Variants in MSRB3 observed in about 807,000 individuals in gnomAD.
MSRB3 encodes the protein methionine-R-sulfoxide reductase B3.
A neutral mutation model predicts 21.0 loss-of-function variants in MSRB3; 13 were observed. That is an observed-to-expected ratio of 0.62 (90% CI 0.40 to 0.98). MSRB3 has a LOEUF of 0.98. MSRB3 is among the 50% of genes least tolerant of loss of function. The pLI is 0.00. For missense variants in MSRB3, 199 were observed against 230.3 expected (o/e 0.86, Z 0.88); for synonymous variants, 87 against 88.6 (o/e 0.98, Z 0.10).
At chr12:65,462,761 A>G (rs563435646) in intron 6 of MSRB3, among the ~76,000 whole-genome samples, 3 of 152,320 alleles carry the variant, frequency 2.0e-5, no homozygotes, top group Admixed American at 6.5e-5. Flanking sequence ...GGACTTCTGC[A>G]TATCTGAAAC....
rs555316381 is a variant in MSRB3, at chr12:65,326,830, G to A, written c.81G>A (p.Ser27=). Residue 27 remains serine (S), a synonymous_variant, in exon 3 of 7, where the codon TCG becomes TCA. Coordinates refer to ENST00000308259, the MANE Select transcript of MSRB3 (RefSeq NM_001031679.3). ...ALRACGLPSG[S]CRDKKNCKVV... ...CCATATCCTCTCTCTTTTCAGGGTC[G>A]TGTAGGGATAAAAAGAACTGTAAGG... 289 of 1,612,960 alleles carry A rather than the reference G, an allele frequency of 1.8e-4. 2 individuals are homozygous for A. The highest frequency in any genetic ancestry group is 1.4e-3 in the South Asian group (131 of 91,006).
intron 5 of MSRB3, among the ~76,000 whole-genome samples, chr12:65,438,762 C>A (rs1191471791): frequency 6.6e-6 from 1 of 151,542 alleles, no homozygotes; most frequent in Non-Finnish European, 1.5e-5. Context: ...GACAATGGGT[C>A]TTTATGGAGG....
At chr12:65,402,445 G>A (rs1033084965) in intron 5 of MSRB3, among the ~76,000 whole-genome samples, 11 of 152,128 alleles carry the variant, frequency 7.2e-5, no homozygotes, top group African/African-American at 2.7e-4. Context: ...TTCTTGCGCT[G>A]TGTTTTTCAG....
intron 5 of MSRB3, among the ~76,000 whole-genome samples, chr12:65,407,120 A>G (rs985787939): frequency 3.3e-5 from 5 of 152,228 alleles, no homozygotes; most frequent in Non-Finnish European, 5.9e-5. Context: ...ACATAGGCCA[A>G]TGGAGCAGTG....
chr12:65,442,795 A>G (rs1247348567), intron 5 of MSRB3, among the ~76,000 whole-genome samples: 1 of 152,144 alleles, frequency 6.6e-6, no homozygotes, highest in African/African-American at 2.4e-5. Context: ...ATTATGGCTA[A>G]AGATCAGGCT....
chr12:65,396,545 G>T (rs1262763034), intron 5 of MSRB3, among the ~76,000 whole-genome samples: 1 of 151,990 alleles, frequency 6.6e-6, no homozygotes, highest in East Asian at 1.9e-4. Flanking sequence ...ACAAAAATTT[G>T]CTGGGTGTGG....
rs972029397 is a variant in MSRB3, at chr12:65,450,023, T to C, written c.293-3705T>C. Among the ~76,000 whole-genome samples the C allele has an allele frequency of 3.9e-5, 6 of 152,174 alleles. No homozygotes were observed. In the East Asian group the frequency reaches 9.6e-4, roughly 24 times the overall value. ...ACAGAATACTACTTGTGGAGAGCTA[T>C]GCCATTATTCAATTATGGGCTCAAG... On this transcript the variant is annotated intron_variant, in intron 5 of 6. Coordinates refer to ENST00000308259, the MANE Select transcript of MSRB3 (RefSeq NM_001031679.3).
intron 5 of MSRB3, chr12:65,419,301 G>A: frequency 4.0e-6 from 3 of 752,020 alleles, no homozygotes; most frequent in Non-Finnish European, 7.3e-6. Context: ...CCTGAGATTT[G>A]GGGGCATCTA....
chr12:65,349,455 C>G (rs1243064641), intron 4 of MSRB3, among the ~76,000 whole-genome samples: 3 of 151,584 alleles, frequency 2.0e-5, no homozygotes, highest in Non-Finnish European at 4.4e-5. Context: ...AATGGTATTT[C>G]TAGTTCTAGA....
chr12:65,457,487 T>A (rs2136709833), intron 6 of MSRB3, among the ~76,000 whole-genome samples: 1 of 152,310 alleles, frequency 6.6e-6, no homozygotes, highest in East Asian at 1.9e-4. Flanking sequence ...TTTCTGTTCC[T>A]GTGTTAGTTT....
At chr12:65,434,951 G>A (rs774588052) in intron 5 of MSRB3, among the ~76,000 whole-genome samples, 9 of 151,776 alleles carry the variant, frequency 5.9e-5, no homozygotes, top group Admixed American at 2.0e-4. Flanking sequence ...TTGTGTCTGG[G>A]AGACCAGTTA....
At chr12:65,446,914 A>G (rs1592645990) in intron 5 of MSRB3, among the ~76,000 whole-genome samples, 1 of 152,236 alleles carries the variant, frequency 6.6e-6, no homozygotes, top group Non-Finnish European at 1.5e-5. Flanking sequence ...CTAAATAACA[A>G]CTAGACTAGT....
At chr12:65,451,800 G>A (rs1048515854) in intron 5 of MSRB3, among the ~76,000 whole-genome samples, 1 of 152,172 alleles carries the variant, frequency 6.6e-6, no homozygotes, top group Non-Finnish European at 1.5e-5. Flanking sequence ...GGAACTCTCT[G>A]ATGTGCTGTA....
At chr12:65,361,451 T>C (rs1877699844) in intron 4 of MSRB3, among the ~76,000 whole-genome samples, 2 of 152,166 alleles carry the variant, frequency 1.3e-5, no homozygotes, top group South Asian at 4.1e-4. Flanking sequence ...TTGCTTACGA[T>C]GTGTACCTCT....
chr12:65,436,782 C>G (rs1882136906), intron 5 of MSRB3, among the ~76,000 whole-genome samples: 1 of 151,826 alleles, frequency 6.6e-6, no homozygotes. Context: ...CTGTAATAGA[C>G]TGTCTCAACT....
intron 2 of MSRB3, among the ~76,000 whole-genome samples, chr12:65,317,790 G>A (rs1326505247): frequency 1.3e-5 from 2 of 152,128 alleles, no homozygotes; most frequent in African/African-American, 4.8e-5. Flanking sequence ...TTAAGCAAAT[G>A]TTATTGTTGC....
At chr12:65,419,017 A>G (rs1204353922) in intron 5 of MSRB3, 9 of 711,726 alleles carry the variant, frequency 1.3e-5, no homozygotes, top group Non-Finnish European at 2.3e-5. Context: ...CTCCATCTGC[A>G]GGGTGTACCA....
intron 1 of MSRB3, among the ~76,000 whole-genome samples, chr12:65,306,096 A>G (rs1873638061): frequency 6.6e-6 from 1 of 152,182 alleles, no homozygotes; most frequent in African/African-American, 2.4e-5. Flanking sequence ...GGCTATGGGC[A>G]TGACCAGCAT....
intron 2 of MSRB3, among the ~76,000 whole-genome samples, chr12:65,310,891 A>G (rs1039358140): frequency 2.6e-5 from 4 of 152,206 alleles, no homozygotes; most frequent in African/African-American, 9.7e-5. Context: ...GGAGATAATA[A>G]TAGTACCAAC....
Sources: gnomAD v4.1 joint callset for allele counts (sites outside exome capture counted in the v4.1 genomes callset) on GRCh38, gnomAD v4.1.1 for gene constraint, MANE v1.5 for transcripts, NCBI Gene and HGNC (gene_info 2026-07-23, HGNC 2026-07-21) for gene names.